Variants in KIF18A observed in about 807,000 individuals in gnomAD.
KIF18A encodes kinesin family member 18A, also known as kinesin-like protein KIF18A.
Under a neutral mutation model 103.3 loss-of-function variants are expected in KIF18A, and 67 were observed. The observed-to-expected ratio is 0.65, with a 90% CI of 0.53 to 0.79. The LOEUF is 0.79. Among genes scored for constraint, KIF18A ranks in the 30% least tolerant of loss-of-function variants. KIF18A has a pLI of 0.00. For synonymous variants in KIF18A, 367 were observed against 355.5 expected (o/e 1.03, Z -0.36); for missense variants, 1,032 against 1,062.5 (o/e 0.97, Z 0.40).
At chr11:28,054,668 A>G (rs1304322657) in intron 13 of KIF18A, among the ~76,000 whole-genome samples, 1 of 152,214 alleles carries the variant, frequency 6.6e-6, no homozygotes, top group African/African-American at 2.4e-5. Context: ...CAACATACAT[A>G]ATTCATGAAA....
Position 28,035,373 on chromosome 11 carries a change from A to G in KIF18A, c.2504+14T>C. 6.8e-7 allele frequency: 1 copy of G among 1,472,912 alleles called. No individual in the cohort carries two copies. Among genetic ancestry groups the G allele is most frequent in the Non-Finnish European group, 9.4e-7 (1 of 1,061,482 alleles). The allele number at this position is 1,472,912 out of a possible 1,614,324, so 91.2% of individuals were successfully genotyped here. ...TATAACTACAGAACCAAACCAGTTT[A>G]TGTTTAATCATACCTTGTTAATTTC... is the stretch of plus-strand genomic sequence containing the variant. On this transcript the variant is annotated intron_variant, in intron 15 of 16. Coordinates refer to ENST00000263181, the MANE Select transcript of KIF18A (RefSeq NM_031217.4).
chr11:28,049,549 C>T (rs2133513025), intron 13 of KIF18A, among the ~76,000 whole-genome samples: 2 of 152,078 alleles, frequency 1.3e-5, no homozygotes, highest in South Asian at 2.1e-4. Flanking sequence ...AAGTAGGGTT[C>T]ATGACAGGGA....
At chr11:28,045,984 C>T (rs541622164) in intron 13 of KIF18A, among the ~76,000 whole-genome samples, 10 of 151,566 alleles carry the variant, frequency 6.6e-5, no homozygotes, top group African/African-American at 2.2e-4. Context: ...CAAATCAAAA[C>T]CACAATGAGA....
At chr11:28,062,737 C>T (rs1850871512) in intron 11 of KIF18A, among the ~76,000 whole-genome samples, 1 of 151,948 alleles carries the variant, frequency 6.6e-6, no homozygotes, top group Non-Finnish European at 1.5e-5. Context: ...GTTAGGAATT[C>T]AGAAGAAATT....
At chr11:28,036,731 T>G (rs1850498155) in intron 13 of KIF18A, 67 bp from the exon 14 acceptor site, 4 of 956,848 alleles carry the variant, frequency 4.2e-6, no homozygotes, top group Non-Finnish European at 5.9e-6. Context: ...CCCCATTACT[T>G]TTAAAACTAA....
intron 3 of KIF18A, among the ~76,000 whole-genome samples, chr11:28,091,849 G>A (rs891103827): frequency 3.3e-5 from 5 of 152,012 alleles, no homozygotes; most frequent in Non-Finnish European, 7.4e-5. Flanking sequence ...ACGGAGTCTC[G>A]CTGTCTCCCA....
At chr11:28,072,412 T>C (rs540316694) in intron 10 of KIF18A, among the ~76,000 whole-genome samples, 10 of 152,312 alleles carry the variant, frequency 6.6e-5, no homozygotes, top group African/African-American at 2.2e-4. Flanking sequence ...GAACTATTTA[T>C]AGCTGAATCG....
chr11:28,075,301 T>C (rs1180030292), intron 10 of KIF18A, among the ~76,000 whole-genome samples: 1 of 152,164 alleles, frequency 6.6e-6, no homozygotes, highest in Non-Finnish European at 1.5e-5. Context: ...TCTGGCATGC[T>C]GCAGATCAAA....
Position 28,097,768 on chromosome 11 carries a change from T to C in KIF18A, c.180A>G (p.Thr60=). The C allele has an allele frequency of 6.2e-7, 1 of 1,612,672 alleles. No homozygotes were observed. Among genetic ancestry groups the C allele is most frequent in the Non-Finnish European group, 8.5e-7 (1 of 1,179,036 alleles). The change falls in exon 2 of 17, where the codon ACA becomes ACG. Residue 60 remains threonine, a synonymous_variant. Transcript: ENST00000263181. The stretch of plus-strand genomic sequence containing the variant: ...TTTGTTTCTTTATAACATTTTGATT[T>C]GTAGTTTTCTTTCCATGGAAAAAAC... ...EVSFFHGKKT[T]NQNVIKKQNK...
At chr11:28,054,257 C>CTGAA (rs752245482) in intron 13 of KIF18A, among the ~76,000 whole-genome samples, 110 of 149,958 alleles carry the variant, frequency 7.3e-4, no homozygotes, top group Non-Finnish European at 1.0e-3. Context: ...GTTGCCTAGG[C>CTGAA]TGAAGTGCAA....
At chr11:28,060,874 G>C (rs2140886) in intron 12 of KIF18A, among the ~76,000 whole-genome samples, 80,243 of 152,112 alleles carry the variant, frequency 0.53, 22,492 homozygotes, top group East Asian at 0.72. Context: ...CCAAAGCAGA[G>C]AACATTTCAC....
intron 16 of KIF18A, 78 bp downstream of exon 16, chr11:28,023,663 C>G: frequency 1.5e-6 from 1 of 669,736 alleles, no homozygotes; most frequent in Non-Finnish European, 2.5e-6. Flanking sequence ...CTTATGAAAA[C>G]ACAATAAAAA....
intron 13 of KIF18A, among the ~76,000 whole-genome samples, chr11:28,056,288 G>T (rs546870909): frequency 2.0e-5 from 3 of 149,552 alleles, no homozygotes; most frequent in Non-Finnish European, 3.0e-5. Flanking sequence ...CTATAAAAAA[G>T]AATAAAATGG....
At chr11:28,031,992 G>A (rs1234964337) in intron 15 of KIF18A, among the ~76,000 whole-genome samples, 2 of 151,656 alleles carry the variant, frequency 1.3e-5, no homozygotes, top group African/African-American at 2.4e-5. Context: ...TTGGAAAAAC[G>A]TAGAGTCCAC....
intron 15 of KIF18A, among the ~76,000 whole-genome samples, chr11:28,024,661 A>G (rs1449777256): frequency 6.6e-6 from 1 of 152,124 alleles, no homozygotes; most frequent in Non-Finnish European, 1.5e-5. Flanking sequence ...AGAGTAAGAA[A>G]GAATAATGGA....
chr11:28,104,706 C>T (rs1192038273), intron 1 of KIF18A, among the ~76,000 whole-genome samples: 1 of 152,146 alleles, frequency 6.6e-6, no homozygotes, highest in Non-Finnish European at 1.5e-5. Flanking sequence ...ACTGTGAGAG[C>T]ACGGAGTTCA....
At chr11:28,080,848 C>T (rs1266048207) in intron 9 of KIF18A, among the ~76,000 whole-genome samples, 1 of 152,118 alleles carries the variant, frequency 6.6e-6, no homozygotes, top group Non-Finnish European at 1.5e-5. Context: ...AACATTTAGC[C>T]AAGTTGTGAA....
At chr11:28,040,450 G>A (rs1850544261) in intron 13 of KIF18A, among the ~76,000 whole-genome samples, 1 of 151,702 alleles carries the variant, frequency 6.6e-6, no homozygotes. Flanking sequence ...TGCTTATAGA[G>A]TAGAAGTGAT....
chr11:28,051,595 G>C (rs1268934468), intron 13 of KIF18A, among the ~76,000 whole-genome samples: 5 of 151,810 alleles, frequency 3.3e-5, no homozygotes, highest in African/African-American at 9.7e-5. Flanking sequence ...GTAAGAGAGA[G>C]AAAAAAGCTA....
Sources: gnomAD v4.1 joint callset for allele counts (sites outside exome capture counted in the v4.1 genomes callset) on GRCh38, gnomAD v4.1.1 for gene constraint, MANE v1.5 for transcripts, NCBI Gene and HGNC (gene_info 2026-07-23, HGNC 2026-07-21) for gene names.